The following LPIN2 variants were observed in gnomAD, a reference collection of about 807,000 sequenced individuals.
LPIN2 encodes lipin 2.
In LPIN2, 55 loss-of-function variants were observed where a neutral mutation model predicts 111.4. The ratio of observed to expected loss-of-function variants is 0.49; its 90% CI spans 0.40 to 0.62. The LOEUF (loss-of-function observed/expected upper bound fraction) is 0.62. LPIN2 is among the 20% of genes least tolerant of loss of function. The probability of loss-of-function intolerance (pLI) is 0.00; values close to 1 mark genes in which losing one functional copy is unlikely to be tolerated. For missense variants in LPIN2, 992 were observed against 1,112.1 expected (o/e 0.89, Z 1.54); for synonymous variants, 425 against 414.0 (o/e 1.03, Z -0.32).
chr18:2,931,676 G>A lies in LPIN2; in HGVS notation c.1269-233C>T, dbSNP rs145017268. Among the ~76,000 whole-genome samples, 324 of 152,220 alleles carry A rather than the reference G, an allele frequency of 2.1e-3. 2 individuals are homozygous for A. The highest frequency in any genetic ancestry group is 6.9e-3 in the African/African-American group (286 of 41,528). ...AATTAACTGTGAATATAGTAAATACGTCACAAAATCACCACGGTCATTCAC... is the reference window on the plus strand; with the variant it reads ...AATTAACTGTGAATATAGTAAATACATCACAAAATCACCACGGTCATTCAC... On this transcript the variant is annotated intron_variant, in intron 8 of 19. Coordinates refer to ENST00000677752, the MANE Select transcript of LPIN2 (RefSeq NM_001375808.2).
chr18:3,008,313 C>T (rs1386422283), intron 1 of LPIN2, among the ~76,000 whole-genome samples: 1 of 152,150 alleles, frequency 6.6e-6, no homozygotes, highest in African/African-American at 2.4e-5. Context: ...ACGGTGGCAC[C>T]TCCCTGTGGT....
At chr18:2,992,523 T>A (rs1330781911) in intron 1 of LPIN2, among the ~76,000 whole-genome samples, 3 of 152,166 alleles carry the variant, frequency 2.0e-5, no homozygotes, top group Non-Finnish European at 4.4e-5. Context: ...AAATCATACA[T>A]TCAAAAATGG....
intron 7 of LPIN2, among the ~76,000 whole-genome samples, chr18:2,935,329 T>C (rs1030998069): frequency 6.6e-6 from 1 of 152,204 alleles, no homozygotes; most frequent in Admixed American, 6.5e-5. Flanking sequence ...CATATTCCAT[T>C]TCTAGTGGAC....
chr18:2,954,452 A>T, intron 3 of LPIN2, 52 bp downstream of exon 3: 1 of 1,321,666 alleles, frequency 7.6e-7, no homozygotes, highest in Non-Finnish European at 1.1e-6. Context: ...TGGGCCACGT[A>T]CCAGAGGCCT....
intron 1 of LPIN2, among the ~76,000 whole-genome samples, chr18:3,007,868 T>A (rs909139855): frequency 2.0e-5 from 3 of 152,208 alleles, no homozygotes; most frequent in Non-Finnish European, 4.4e-5. Context: ...CAAATACTTT[T>A]TAAGAGCTGT....
chr18:2,945,789 G>A lies in LPIN2; in HGVS notation c.591-5077C>T, dbSNP rs187026274. 40 of 1,304,024 alleles carry A rather than the reference G, an allele frequency of 3.1e-5. No individual in the cohort carries two copies. In the Admixed American group the frequency reaches 3.4e-4, roughly 11 times the overall value. The allele number at this position is 1,304,024 out of a possible 1,614,324, so 80.8% of individuals were successfully genotyped here. Reference sequence around the variant, plus strand: ...ATTTGCTTCTACTCGACTAAGTTCTGGAAGTGAATTTTTAGCCTATACTGA... The same window carrying A: ...ATTTGCTTCTACTCGACTAAGTTCTAGAAGTGAATTTTTAGCCTATACTGA... On this transcript the variant is annotated intron_variant, in intron 4 of 19. Transcript: ENST00000677752.
chr18:2,950,081 A>T (rs139465325), intron 4 of LPIN2, among the ~76,000 whole-genome samples: 1,955 of 152,338 alleles, frequency 0.013, 45 homozygotes, highest in Middle Eastern at 0.044. Flanking sequence ...AGCCTGGGCA[A>T]CACAGGGAGA....
In LPIN2 at chr18:2,919,918, C is replaced by G; in HGVS notation, c.*375G>C. ...GGTTACAGAAGCCACCTCAACTGCC[C>G]AGTGGAAACTGGAACACTTCACTGT... On this transcript the variant is annotated 3_prime_UTR_variant, in exon 20 of 20. Coordinates refer to ENST00000677752, the MANE Select transcript of LPIN2 (RefSeq NM_001375808.2). The G allele has an allele frequency of 3.0e-6, 1 of 331,726 alleles. No individual in the cohort carries two copies. Among genetic ancestry groups the G allele is most frequent in the South Asian group, 2.7e-5 (1 of 37,358 alleles). 20.5% of individuals were successfully genotyped at this position (331,726 alleles called of 1,614,324 possible).
At chr18:2,965,009 T>A (rs2077772018) in intron 1 of LPIN2, among the ~76,000 whole-genome samples, 1 of 152,240 alleles carries the variant, frequency 6.6e-6, no homozygotes, top group South Asian at 2.1e-4. Flanking sequence ...ATGGCTCAGA[T>A]GTGGCCTGAC....
intron 1 of LPIN2, among the ~76,000 whole-genome samples, chr18:2,977,379 AAC>A (rs1343750192): frequency 6.6e-6 from 1 of 152,172 alleles, no homozygotes; most frequent in African/African-American, 2.4e-5. Context: ...TGAGCTAGAA[AAC>A]ACACTCAAAT....
intron 2 of LPIN2, among the ~76,000 whole-genome samples, chr18:2,955,783 C>T (rs1467446508): frequency 3.3e-5 from 5 of 152,012 alleles, no homozygotes; most frequent in African/African-American, 1.2e-4. Flanking sequence ...GGCATGGTGG[C>T]GCCCGCCTGT....
intron 2 of LPIN2, among the ~76,000 whole-genome samples, chr18:2,959,941 G>A (rs576213388): frequency 1.1e-4 from 16 of 152,126 alleles, no homozygotes; most frequent in African/African-American, 3.1e-4. Context: ...GGCCGAAGCC[G>A]GTGGATCACT....
intron 2 of LPIN2, among the ~76,000 whole-genome samples, chr18:2,956,969 C>T (rs1191889114): frequency 6.6e-6 from 1 of 152,142 alleles, no homozygotes; most frequent in African/African-American, 2.4e-5. Context: ...GAGAGAACAC[C>T]AAGTTGGAAC....
intron 1 of LPIN2, among the ~76,000 whole-genome samples, chr18:2,964,585 G>A (rs957988442): frequency 6.6e-5 from 10 of 151,040 alleles, no homozygotes; most frequent in Non-Finnish European, 1.3e-4. Context: ...CCAATCGGCT[G>A]GCACTTTGAT....
intron 1 of LPIN2, among the ~76,000 whole-genome samples, chr18:2,967,842 G>T (rs1364188094): frequency 1.3e-5 from 2 of 152,108 alleles, no homozygotes; most frequent in Non-Finnish European, 2.9e-5. Flanking sequence ...CTTTAGTTTT[G>T]TATTATTTTA....
In LPIN2 at chr18:2,988,012, C is replaced by CAAAAAAAAAAAAA. The variant is rs761121515; in HGVS notation, c.-10+25062_-10+25074dup. 3.8e-3 allele frequency among the ~76,000 whole-genome samples: 124 copies of CAAAAAAAAAAAAA among 32,342 alleles called. 10 individuals carry two copies. The highest frequency in any genetic ancestry group is 6.3e-3 in the Non-Finnish European group (99 of 15,602). 21.2% of individuals were successfully genotyped at this position (32,342 alleles called of 152,430 possible). A position where few individuals can be genotyped will look rare whatever the true frequency, so the allele number is the denominator to read the frequency against. On this transcript the variant is annotated intron_variant, in intron 1 of 19. Transcript: ENST00000677752. Reference sequence around the variant, plus strand: ...TGGGCGACAGAGTGAGAGACTGTCTCAAAAAAAAAAAAAAAAAAAAAAAAA... The same window carrying CAAAAAAAAAAAAA: ...TGGGCGACAGAGTGAGAGACTGTCTCAAAAAAAAAAAAAAAAAAAAAAAAAAAAAAAAAAAAAA...
intron 1 of LPIN2, among the ~76,000 whole-genome samples, chr18:2,996,495 T>TTTTTTTTTTTTTTTTG (rs1383642994): frequency 1.9e-5 from 2 of 104,224 alleles, no homozygotes; most frequent in African/African-American, 7.5e-5. Context: ...TTTTTTTTTT[T>TTTTTTTTTTTTTTTTG]GAGACAGAGT....
chr18:2,964,627 G>A (rs1420106350), intron 1 of LPIN2, among the ~76,000 whole-genome samples: 1 of 152,204 alleles, frequency 6.6e-6, no homozygotes, highest in Non-Finnish European at 1.5e-5. Context: ...AATGTCTGTT[G>A]TTTAAGCCAA....
intron 1 of LPIN2, among the ~76,000 whole-genome samples, chr18:2,969,032 T>C (rs943228314): frequency 6.6e-6 from 1 of 151,958 alleles, no homozygotes; most frequent in African/African-American, 2.4e-5. Flanking sequence ...ATAAAAAGAG[T>C]AGACCTGGTG....
Sources: allele counts gnomAD v4.1 joint callset (sites outside exome capture counted in the v4.1 genomes callset), GRCh38; gene constraint gnomAD v4.1.1; transcripts MANE v1.5; gene names NCBI Gene and HGNC (gene_info 2026-07-23, HGNC 2026-07-21).